Variants in SV2A observed in about 807,000 individuals in gnomAD.
SV2A encodes the protein solute carrier family 22 member B1.
In SV2A, 25 loss-of-function variants were observed where a neutral mutation model predicts 78.0. The observed-to-expected ratio is 0.32, with a 90% confidence interval of 0.23 to 0.45. The LOEUF (loss-of-function observed/expected upper bound fraction) is 0.45. Among genes scored for constraint, SV2A ranks in the 20% least tolerant of loss-of-function variants. SV2A has a pLI of 1.00. For synonymous variants in SV2A, 355 were observed against 384.7 expected, an observed-to-expected ratio of 0.92 and a Z score of 0.90; for missense variants, 752 against 971.5, an observed-to-expected ratio of 0.77 and a Z score of 3.00.
At chr1:149,914,968 T>G (rs1553764371) in intron 1 of SV2A, among the ~76,000 whole-genome samples, 1 of 152,146 alleles carries the variant, frequency 6.6e-6, no homozygotes, top group African/African-American at 2.4e-5. Flanking sequence ...ATGAAAGCTA[T>G]CTTGGATGCT....
chr1:149,904,921 G>T lies in SV2A; in HGVS notation c.*93C>A. ...CAAACACGGGGAGTGGGGAGTGAGG[G>T]CTCTGGAGGTCAGGATGGCAGGGCA... On this transcript the variant is annotated 3_prime_UTR_variant, in exon 13 of 13. Transcript: ENST00000369146. The T allele has an allele frequency of 7.3e-7, 1 of 1,374,124 alleles. No homozygotes were observed. Among genetic ancestry groups the T allele is most frequent in the Non-Finnish European group, 9.9e-7 (1 of 1,012,854 alleles). The allele number at this position is 1,374,124 out of a possible 1,614,324, so 85.1% of individuals were successfully genotyped here.
intron 12 of SV2A, 129 bp from the exon 13 acceptor site, chr1:149,905,326 G>T: frequency 1.3e-6 from 1 of 785,788 alleles, no homozygotes; most frequent in East Asian, 2.7e-5. Context: ...AGGTTGGAGA[G>T]ATCAGAGAGG....
At chr1:149,911,400 C>T (rs920620964) in intron 3 of SV2A, among the ~76,000 whole-genome samples, 2 of 152,148 alleles carry the variant, frequency 1.3e-5, no homozygotes, top group African/African-American at 2.4e-5. Context: ...GCGGACAAGG[C>T]GTCAGGGTTC....
chr1:149,908,586 G>A (rs1465798175), intron 8 of SV2A, among the ~76,000 whole-genome samples: 1 of 147,692 alleles, frequency 6.8e-6, no homozygotes, highest in Non-Finnish European at 1.5e-5. Context: ...TGCTCCCACT[G>A]CCCTTCCCCC....
rs782623934 is a variant in SV2A, at chr1:149,913,358, G to A, written c.483C>T (p.His161=). The change falls in exon 2 of 13, where the codon CAC becomes CAT. Residue 161 remains histidine, a synonymous_variant. Coordinates refer to ENST00000369146, the MANE Select transcript of SV2A (RefSeq NM_014849.5). ...QYEAILRECG[H]GRFQWTLYFV... ...AATACAGTGTCCACTGGAAGCGGCC[G>A]TGGCCACACTCCCGTAGGATGGCTT... The A allele has an allele frequency of 2.2e-5, 36 of 1,614,134 alleles. 1 individual carries two copies. The highest frequency in any genetic ancestry group is 6.6e-5 in the South Asian group (6 of 91,076).
intron 8 of SV2A, 106 bp downstream of exon 8, chr1:149,909,086 A>T: frequency 9.3e-7 from 1 of 1,077,688 alleles, no homozygotes; most frequent in Non-Finnish European, 1.4e-6. Context: ...TCTGCATGGC[A>T]CCTTCCCTCA....
intron 12 of SV2A, 106 bp downstream of exon 12, chr1:149,905,774 A>C (rs1553762628): frequency 2.1e-6 from 3 of 1,434,464 alleles, no homozygotes; most frequent in Non-Finnish European, 2.9e-6. Flanking sequence ...AGAAAATGGA[A>C]ATGTATATCC....
rs1553762375 is a variant in SV2A, at chr1:149,904,610, C to T, written c.*404G>A. On this transcript the variant is annotated 3_prime_UTR_variant, in exon 13 of 13. Transcript: ENST00000369146. ...TGGTCCATGGTCTACACCAGAGCCCCAGCCCCTAGCATAATTGCATACCTG... is the reference window on the plus strand; with the variant it reads ...TGGTCCATGGTCTACACCAGAGCCCTAGCCCCTAGCATAATTGCATACCTG... 1 of 169,874 alleles carries T rather than the reference C, an allele frequency of 5.9e-6. No individual in the cohort carries two copies. The highest frequency in any genetic ancestry group is 1.3e-5 in the Non-Finnish European group (1 of 79,226). 10.5% of individuals were successfully genotyped at this position (169,874 alleles called of 1,614,324 possible).
At chr1:149,912,088 T>C (rs1483667882) in intron 2 of SV2A, 108 bp from the exon 3 acceptor site, 10 of 1,139,534 alleles carry the variant, frequency 8.8e-6, no homozygotes, top group Non-Finnish European at 1.2e-5. Flanking sequence ...TTCTAGAAGG[T>C]AAGTCTACCC....
At position 149,909,878 on chromosome 1, in the gene SV2A, C is replaced by T; in HGVS notation, c.1102G>A (p.Asp368Asn). ...PRFFLENGKH[D>N]EAWMVLKQVH... ...TGCTTCAGCACCATCCAGGCCTCATCATGCTTTCCATTCTAGAGCCAAAGA... is the reference window on the plus strand; with the variant it reads ...TGCTTCAGCACCATCCAGGCCTCATTATGCTTTCCATTCTAGAGCCAAAGA... The change falls in exon 6 of 13, where the codon GAT becomes AAT. Residue 368 changes from aspartate (D) to asparagine (N), a missense_variant. Asp to Asn is a conservative substitution (Grantham distance 23). Transcript: ENST00000369146. 6.2e-7 allele frequency: 1 copy of T among 1,614,064 alleles called. No homozygotes were observed. The highest frequency in any genetic ancestry group is 1.1e-5 in the South Asian group (1 of 91,082).
intron 12 of SV2A, chr1:149,905,403 T>A (rs2092430736): frequency 2.0e-6 from 1 of 506,454 alleles, no homozygotes; most frequent in Non-Finnish European, 3.5e-6. Flanking sequence ...AAAATTGAGG[T>A]TAACAGTTAA....
Position 149,906,151 on chromosome 1 carries a change from G to A in SV2A, c.1886-112C>T, listed in dbSNP as rs111804372. 2,697 of 1,316,668 alleles carry A rather than the reference G, an allele frequency of 2.0e-3. 42 individuals carry two copies. In the African/African-American group the frequency reaches 0.029, roughly 14 times the overall value. 81.6% of individuals were successfully genotyped at this position (1,316,668 alleles called of 1,614,324 possible). On this transcript the variant is annotated intron_variant, in intron 11 of 12. Transcript: ENST00000369146. Reference sequence around the variant, plus strand: ...GATAGCCCAGGATGAGACTTGTTCCGAAGGTATCCAACCAAGGTATCCAAA... The same window carrying A: ...GATAGCCCAGGATGAGACTTGTTCCAAAGGTATCCAACCAAGGTATCCAAA...
rs1317606487 is a variant in SV2A at position 149,908,189 on chromosome 1, A to G, written c.1397T>C (p.Val466Ala). 2.5e-6 allele frequency: 4 copies of G among 1,613,976 alleles called. No homozygotes were observed. Among genetic ancestry groups the G allele is most frequent in the Non-Finnish European group, 3.4e-6 (4 of 1,179,972 alleles). Residue 466 changes from valine to alanine, a missense_variant, in exon 9 of 13, where the codon GTC becomes GCC. Val to Ala is a moderately conservative substitution (Grantham distance 64). Transcript: ENST00000369146. The part of the protein sequence containing the change: ...TMSFSYYGLT[V>A]WFPDMIRHLQ... ...ATGGCGGATCATGTCAGGAAACCAG[A>G]CGGTCAGGCCATAGTAGCTGAAGAG... is the stretch of plus-strand genomic sequence containing the variant.
chr1:149,905,597 G>A, intron 12 of SV2A: 1 of 351,510 alleles, frequency 2.8e-6, no homozygotes, highest in Non-Finnish European at 5.3e-6. Flanking sequence ...GCGATTACAG[G>A]CACCCAGCTA....
intron 12 of SV2A, 102 bp from the exon 13 acceptor site, chr1:149,905,299 T>A: frequency 1.9e-6 from 2 of 1,041,130 alleles, no homozygotes; most frequent in Non-Finnish European, 2.8e-6. Context: ...GCAGGCAGTG[T>A]CCAAGAGGGA....
At chr1:149,906,898 G>A in intron 10 of SV2A, 42 bp from the exon 11 acceptor site, 1 of 1,609,388 alleles carries the variant, frequency 6.2e-7, no homozygotes, top group South Asian at 1.1e-5. Flanking sequence ...CATAGCAGAT[G>A]GGAGAGGGAG....
Position 149,905,973 on chromosome 1 carries a change from A to G in SV2A, c.1952T>C (p.Met651Thr). The G allele has an allele frequency of 6.2e-7, 1 of 1,614,216 alleles. No individual in the cohort carries two copies. Among genetic ancestry groups the G allele is most frequent in the Non-Finnish European group, 8.5e-7 (1 of 1,180,042 alleles). Residue 651 changes from methionine to threonine, a missense_variant, in exon 12 of 13, where the codon ATG becomes ACG. By Grantham distance (81) the Met-to-Thr change is moderately conservative. Around this residue, in one of 7 missense-constraint regions of SV2A, gnomAD observed 186 missense variants for 274.6 expected, o/e 0.68. Transcript: ENST00000369146. The stretch of plus-strand genomic sequence containing the variant: ...GCCAAAAAGGCAGAGCAGAGCGATC[A>G]TGGCCGACTCACTGTTCCCAAAAGA... ...FLSFGNSESAMIALLCLFGGV... is the reference protein window; with the variant it reads ...FLSFGNSESATIALLCLFGGV...
chr1:149,916,955 G>A (rs1172999387), intron 1 of SV2A, among the ~76,000 whole-genome samples: 1 of 151,954 alleles, frequency 6.6e-6, no homozygotes, highest in Non-Finnish European at 1.5e-5. Flanking sequence ...GGGGACGCAG[G>A]GAGAGACCTC....
chr1:149,914,561 G>A (rs1045393620), intron 1 of SV2A, among the ~76,000 whole-genome samples: 3 of 152,214 alleles, frequency 2.0e-5, no homozygotes, highest in Non-Finnish European at 4.4e-5. Context: ...TGGAGTTGAG[G>A]AGGATGTGTA....
Sources: gnomAD v4.1 joint callset for allele counts (sites outside exome capture counted in the v4.1 genomes callset) on GRCh38, gnomAD v4.1.1 for gene constraint, gnomAD v4.1.1 regional missense constraint, MANE v1.5 for transcripts, NCBI Gene and HGNC (gene_info 2026-07-23, HGNC 2026-07-21) for gene names.